The following PDE11A variants were observed in gnomAD, a reference collection of about 807,000 sequenced individuals.
The protein encoded by PDE11A is dual 3',5'-cyclic-AMP and -GMP phosphodiesterase 11A.
Under a neutral mutation model 100.5 loss-of-function variants are expected in PDE11A, and 100 were observed. The observed-to-expected ratio is 1.00, with a 90% CI of 0.85 to 1.18. PDE11A has a LOEUF of 1.18. PDE11A is among the 50% of genes most tolerant of loss of function. The pLI, the probability that PDE11A is intolerant of heterozygous loss-of-function variation, is 0.00. For synonymous variants in PDE11A, 381 were observed against 420.8 expected, an observed-to-expected ratio of 0.91 and a Z score of 1.16; for missense variants, 1,141 against 1,152.6, an observed-to-expected ratio of 0.99 and a Z score of 0.15.
At chr2:177,750,668 T>G (rs977160462) in intron 10 of PDE11A, among the ~76,000 whole-genome samples, 9 of 152,282 alleles carry the variant, frequency 5.9e-5, no homozygotes, top group Middle Eastern at 3.4e-3. Context: ...ACTGGCTGGG[T>G]GAAGTTAGTA....
rs116594043 is a variant in PDE11A, at chr2:177,856,035, C to A, written c.1368-15652G>T. ...GCTCTGTGTTAAGTGGAAAATGAAA[C>A]CTAAGTAAAATCCCTGTCAGAGGAT... is the stretch of plus-strand genomic sequence containing the variant. On this transcript the variant is annotated intron_variant, in intron 5 of 19. Coordinates refer to ENST00000286063, the MANE Select transcript of PDE11A (RefSeq NM_016953.4). Among the ~76,000 whole-genome samples, 1,102 of 151,740 alleles carry A rather than the reference C, an allele frequency of 7.3e-3. 13 individuals are homozygous for A. Among genetic ancestry groups the A allele is most frequent in the African/African-American group, 0.025 (1,026 of 41,362 alleles).
At chr2:178,074,048 T>C (rs937455593), upstream of PDE11A, among the ~76,000 whole-genome samples, 1 of 152,120 alleles carries the variant, frequency 6.6e-6, no homozygotes, top group Non-Finnish European at 1.5e-5. Context: ...AATCATAAAA[T>C]GGAATAAAGC....
intron 15 of PDE11A, among the ~76,000 whole-genome samples, chr2:177,695,120 G>C (rs999709279): frequency 1.3e-5 from 2 of 149,824 alleles, no homozygotes; most frequent in African/African-American, 4.9e-5. Context: ...AGTTGTGTGT[G>C]GGGGGGGAGG....
chr2:177,637,009 G>C (rs1319120065), intron 19 of PDE11A, among the ~76,000 whole-genome samples: 1 of 152,150 alleles, frequency 6.6e-6, no homozygotes, highest in Non-Finnish European at 1.5e-5. Context: ...CTTCTTCTTG[G>C]GCCAAATACA....
Position 178,072,133 on chromosome 2 carries a change from C to T in PDE11A, c.305G>A (p.Trp102Ter). 6.2e-7 allele frequency: 1 copy of T among 1,613,904 alleles called. No individual in the cohort carries two copies. The highest frequency in any genetic ancestry group is 1.1e-5 in the South Asian group (1 of 91,068). The change falls in exon 1 of 20, where the codon TGG (tryptophan) becomes TAG (stop). Residue 102 changes from tryptophan to a stop codon, truncating the protein, a stop_gained. Transcript: ENST00000286063. LOFTEE classifies it high-confidence loss of function. ...DCGGVPLSPS[W>*]AGGSRGDGNL... ...CCCATCGCCCCTGCTGCCACCGGCC[C>T]AGCTGGGACTCAAGGGAACCCCACC...
chr2:178,021,922 T>TA (rs1199350708), intron 1 of PDE11A, among the ~76,000 whole-genome samples: 2 of 152,122 alleles, frequency 1.3e-5, no homozygotes, highest in African/African-American at 4.8e-5. Flanking sequence ...TTGTGGGAAG[T>TA]GTCAGACATG....
intron 12 of PDE11A, among the ~76,000 whole-genome samples, chr2:177,715,830 G>T (rs536769928): frequency 6.6e-6 from 1 of 152,226 alleles, no homozygotes; most frequent in South Asian, 2.1e-4. Context: ...TCTCTCAAGT[G>T]TCTGTCTGGT....
chr2:177,965,157 T>C (rs757210008), intron 2 of PDE11A, among the ~76,000 whole-genome samples: 6 of 152,232 alleles, frequency 3.9e-5, no homozygotes, highest in South Asian at 2.1e-4. Flanking sequence ...GCTGGCCGTA[T>C]GTATGTCTTC....
chr2:178,066,820 C>T (rs1046039708), intron 1 of PDE11A, among the ~76,000 whole-genome samples: 11 of 152,186 alleles, frequency 7.2e-5, no homozygotes, highest in African/African-American at 2.7e-4. Flanking sequence ...CTGAGAATGC[C>T]TCAGCCTAGA....
chr2:177,765,633 G>A (rs886462511), intron 10 of PDE11A, among the ~76,000 whole-genome samples: 21 of 152,116 alleles, frequency 1.4e-4, no homozygotes, highest in Non-Finnish European at 1.9e-4. Context: ...CCATTCTATC[G>A]GGAGCATTTG....
At chr2:177,988,170 A>G (rs183350982) in intron 2 of PDE11A, among the ~76,000 whole-genome samples, 90 of 152,358 alleles carry the variant, frequency 5.9e-4, no homozygotes, top group African/African-American at 2.0e-3. Flanking sequence ...TCCTGAGACC[A>G]GGAGTTCAAT....
intron 10 of PDE11A, among the ~76,000 whole-genome samples, 157 bp from the exon 11 acceptor site, chr2:177,728,329 G>A (rs2081633810): frequency 7.6e-6 from 1 of 131,848 alleles, no homozygotes; most frequent in South Asian, 2.6e-4. Context: ...AATGTCTTTT[G>A]TTTCTGAACT....
At chr2:178,068,756 G>A (rs2087084303) in intron 1 of PDE11A, among the ~76,000 whole-genome samples, 1 of 152,122 alleles carries the variant, frequency 6.6e-6, no homozygotes, top group African/African-American at 2.4e-5. Context: ...TGCAAAGGAT[G>A]GAGGAAAATG....
chr2:177,684,642 T>C (rs2080915747), intron 15 of PDE11A, among the ~76,000 whole-genome samples: 1 of 152,188 alleles, frequency 6.6e-6, no homozygotes, highest in Admixed American at 6.5e-5. Flanking sequence ...TGGACTTCAG[T>C]TTTCTTATTA....
At chr2:178,036,759 C>G (rs542872835) in intron 1 of PDE11A, among the ~76,000 whole-genome samples, 1 of 152,268 alleles carries the variant, frequency 6.6e-6, no homozygotes, top group African/African-American at 2.4e-5. Flanking sequence ...CTGACAAAAA[C>G]AAGCAGTGGA....
At chr2:177,952,121 G>A (rs757781534) in intron 2 of PDE11A, among the ~76,000 whole-genome samples, 5 of 152,106 alleles carry the variant, frequency 3.3e-5, no homozygotes, top group Non-Finnish European at 5.9e-5. Context: ...CATATTAAAT[G>A]TCTTGCCATT....
intron 19 of PDE11A, among the ~76,000 whole-genome samples, chr2:177,649,386 G>A (rs2080274292): frequency 6.6e-6 from 1 of 152,090 alleles, no homozygotes; most frequent in Non-Finnish European, 1.5e-5. Flanking sequence ...ATAATTAATT[G>A]TTGTTTAAAT....
chr2:177,678,543 C>T (rs1213135105), intron 16 of PDE11A, among the ~76,000 whole-genome samples: 1 of 152,124 alleles, frequency 6.6e-6, no homozygotes, highest in African/African-American at 2.4e-5. Context: ...ATTGCTGGCA[C>T]ATGGTGGTAA....
chr2:177,953,627 C>T (rs1161287244), intron 2 of PDE11A, among the ~76,000 whole-genome samples: 3 of 152,104 alleles, frequency 2.0e-5, no homozygotes, highest in African/African-American at 7.2e-5. Flanking sequence ...AAAATATCTT[C>T]ATCAGATTTA....
Sources: gnomAD v4.1 joint callset for allele counts (sites outside exome capture counted in the v4.1 genomes callset) on GRCh38, gnomAD v4.1.1 for gene constraint, MANE v1.5 for transcripts, NCBI Gene and HGNC (gene_info 2026-07-23, HGNC 2026-07-21) for gene names.